DLEU7: variants seen among roughly 807,000 people sequenced by gnomAD.
DLEU7 encodes the protein leukemia-associated protein 7.
Under a neutral mutation model 16.0 loss-of-function variants are expected in DLEU7, and 17 were observed. That is an observed-to-expected ratio of 1.06 (90% CI 0.73 to 1.59). The LOEUF is 1.59. Ranked by LOEUF, DLEU7 falls within the 40% of genes most tolerant of loss-of-function variation. DLEU7 has a pLI of 0.00. For missense variants in DLEU7, 308 were observed against 314.9 expected, an observed-to-expected ratio of 0.98 and a Z score of 0.17; for synonymous variants, 113 against 139.8, an observed-to-expected ratio of 0.81 and a Z score of 1.35.
chr13:50,715,124 T>C (rs1041335718), intron 1 of DLEU7, among the ~76,000 whole-genome samples: 16 of 152,308 alleles, frequency 1.1e-4, no homozygotes, highest in Non-Finnish European at 2.4e-4. Flanking sequence ...CTCTCTCTGA[T>C]TCTTGCACAA....
chr13:50,744,579 C>A (rs74081116), intron 1 of DLEU7, among the ~76,000 whole-genome samples: 12,130 of 151,948 alleles, frequency 0.08, 1,595 homozygotes, highest in African/African-American at 0.27. Context: ...TTTTAAAGGT[C>A]CAACACTGTG....
intron 1 of DLEU7, among the ~76,000 whole-genome samples, chr13:50,714,498 C>T (rs559129252): frequency 1.1e-4 from 17 of 152,232 alleles, no homozygotes; most frequent in African/African-American, 3.9e-4. Flanking sequence ...TAGCTGACAT[C>T]TTTGAGCTGA....
At chr13:50,811,409 G>A (rs184186123) in intron 1 of DLEU7, among the ~76,000 whole-genome samples, 310 of 152,176 alleles carry the variant, frequency 2.0e-3, no homozygotes, top group African/African-American at 6.9e-3. Context: ...GCTTTACTGA[G>A]AGCTTTCTCC....
chr13:50,779,392 A>T (rs1430891221), intron 1 of DLEU7, among the ~76,000 whole-genome samples: 1 of 152,198 alleles, frequency 6.6e-6, no homozygotes, highest in Non-Finnish European at 1.5e-5. Flanking sequence ...ATTCGTTATT[A>T]TTATTATTCC....
rs138825816 is a variant in DLEU7 at position 50,789,653 on chromosome 13, A to T, written c.459+53535T>A. 5.9e-3 allele frequency among the ~76,000 whole-genome samples: 899 copies of T among 152,142 alleles called. 12 individuals carry two copies. The highest frequency in any genetic ancestry group is 0.021 in the African/African-American group (861 of 41,474). On this transcript the variant is annotated intron_variant, in intron 1 of 1. Coordinates refer to the DLEU7 transcript ENST00000400393. Reference sequence around the variant, plus strand: ...CTTGATTGCAAGTCACCTTTAAAATATAGAATAACATGTTACCTAAACAGA... The same window carrying T: ...CTTGATTGCAAGTCACCTTTAAAATTTAGAATAACATGTTACCTAAACAGA...
rs989034957 is a variant in DLEU7, at chr13:50,843,041, C to G, written c.459+147G>C. 1.2e-6 allele frequency: 1 copy of G among 857,848 alleles called. No individual in the cohort carries two copies. The highest frequency in any genetic ancestry group is 1.7e-6 in the Non-Finnish European group (1 of 593,496). 53.1% of individuals were successfully genotyped at this position (857,848 alleles called of 1,614,324 possible). ...GCTGAGTCCCCAGAGTGTCCCCCGC[C>G]CCCTTCCTTCTCCCACTGGGGCTGA... On this transcript the variant is annotated intron_variant, in intron 1 of 1. Transcript: ENST00000504404. This position sits in a 1 kb window ranked among gnomAD's most constrained non-coding sequence, Gnocchi z 5.7.
At chr13:50,834,243 A>G (rs903634515) in intron 1 of DLEU7, among the ~76,000 whole-genome samples, 1 of 152,210 alleles carries the variant, frequency 6.6e-6, no homozygotes, top group Admixed American at 6.5e-5. Flanking sequence ...CTATCATCAG[A>G]GTGAACAGGC....
intron 1 of DLEU7, among the ~76,000 whole-genome samples, chr13:50,734,005 A>G (rs902279429): frequency 1.3e-5 from 2 of 152,202 alleles, no homozygotes; most frequent in African/African-American, 4.8e-5. Context: ...ATTGATGTGC[A>G]GTTTGTACAG....
intron 1 of DLEU7, among the ~76,000 whole-genome samples, chr13:50,717,864 G>A (rs1204368156): frequency 6.6e-6 from 1 of 152,096 alleles, no homozygotes; most frequent in Non-Finnish European, 1.5e-5. Context: ...CATTTACAAA[G>A]CAGGCAAAAT....
At chr13:50,712,211 G>A (rs1489573171) in exon 2 of DLEU7, 1 of 152,178 alleles carries the variant, frequency 6.6e-6, no homozygotes, top group Non-Finnish European at 1.5e-5. Flanking sequence ...AGGGAACTTT[G>A]GGATTTTTCT....
chr13:50,822,656 G>A, downstream of DLEU7: 2 of 985,010 alleles, frequency 2.0e-6, no homozygotes, highest in South Asian at 4.7e-5. Context: ...ATAATACTGT[G>A]CTTTGTATTT....
intron 1 of DLEU7, among the ~76,000 whole-genome samples, chr13:50,771,491 A>G (rs1477091560): frequency 6.6e-6 from 1 of 152,192 alleles, no homozygotes; most frequent in Non-Finnish European, 1.5e-5. Flanking sequence ...TTCAAAGAAC[A>G]TCTTTATTTC....
At chr13:50,810,407 A>G (rs1172642654) in intron 1 of DLEU7, among the ~76,000 whole-genome samples, 6 of 152,132 alleles carry the variant, frequency 3.9e-5, no homozygotes, top group Admixed American at 3.9e-4. Context: ...TAAACAAAAC[A>G]ATATGTTTCT....
At chr13:50,822,626 C>G (rs1358006196), downstream of DLEU7, 1 of 984,492 alleles carries the variant, frequency 1.0e-6, no homozygotes, top group East Asian at 1.1e-4. Flanking sequence ...AAAAGCTAGA[C>G]TTTTCCACAT....
intron 1 of DLEU7, among the ~76,000 whole-genome samples, chr13:50,763,930 T>C (rs1281304130): frequency 3.3e-5 from 5 of 152,218 alleles, no homozygotes; most frequent in Admixed American, 6.5e-5. Flanking sequence ...TAAATGTCTG[T>C]AAAGCACCAT....
intron 1 of DLEU7, among the ~76,000 whole-genome samples, chr13:50,739,756 G>T (rs902590098): frequency 6.6e-6 from 1 of 152,108 alleles, no homozygotes; most frequent in Admixed American, 6.5e-5. Flanking sequence ...ACACCAAAGA[G>T]ACCAAAACTG....
chr13:50,780,045 T>C (rs1395935099), intron 1 of DLEU7, among the ~76,000 whole-genome samples: 1 of 152,130 alleles, frequency 6.6e-6, no homozygotes, highest in African/African-American at 2.4e-5. Context: ...GTTTCTGTGT[T>C]AGTAATAGCA....
intron 1 of DLEU7, among the ~76,000 whole-genome samples, chr13:50,780,591 G>C (rs1424850683): frequency 2.6e-5 from 4 of 152,216 alleles, no homozygotes; most frequent in Non-Finnish European, 5.9e-5. Flanking sequence ...TGAGAATGCA[G>C]TCATTTGCCT....
intron 1 of DLEU7, among the ~76,000 whole-genome samples, chr13:50,823,850 G>A (rs1232943315): frequency 1.3e-5 from 2 of 152,144 alleles, no homozygotes; most frequent in Non-Finnish European, 2.9e-5. Context: ...AAAATATCTT[G>A]CCACCATAAG....
Sources: allele counts gnomAD v4.1 joint callset (sites outside exome capture counted in the v4.1 genomes callset), GRCh38; gene constraint gnomAD v4.1.1; non-coding constraint Gnocchi (gnomAD v3.1); transcripts MANE v1.5; gene names NCBI Gene and HGNC (gene_info 2026-07-23, HGNC 2026-07-21).